Variants in PTPRD observed in about 807,000 individuals in gnomAD.
PTPRD encodes receptor-type tyrosine-protein phosphatase delta.
A neutral mutation model predicts 214.5 loss-of-function variants in PTPRD; 34 were observed. That is an observed-to-expected ratio of 0.16 (90% CI 0.12 to 0.21). The LOEUF (loss-of-function observed/expected upper bound fraction) is 0.21. PTPRD is among the 10% of genes least tolerant of loss of function. The probability of loss-of-function intolerance (pLI) is 1.00; values close to 1 mark genes in which losing one functional copy is unlikely to be tolerated. For synonymous variants in PTPRD, 1,128 were observed against 845.7 expected, an observed-to-expected ratio of 1.33 and a Z score of -5.79; for missense variants, 2,545 against 2,398.7, an observed-to-expected ratio of 1.06 and a Z score of -1.27.
chr9:9,353,340 G>T (rs1238750305), intron 9 of PTPRD, among the ~76,000 whole-genome samples: 1 of 151,872 alleles, frequency 6.6e-6, no homozygotes, highest in East Asian at 1.9e-4. Context: ...TAGAGCAACA[G>T]AACTATTGAA....
chr9:8,583,483 C>T (rs1464215682), intron 14 of PTPRD, among the ~76,000 whole-genome samples: 1 of 151,822 alleles, frequency 6.6e-6, no homozygotes, highest in African/African-American at 2.4e-5. Context: ...CCACGCATGG[C>T]TGGATAATTT....
chr9:10,152,822 C>G (rs532487411), intron 3 of PTPRD, among the ~76,000 whole-genome samples: 1 of 152,122 alleles, frequency 6.6e-6, no homozygotes, highest in Non-Finnish European at 1.5e-5. Context: ...TGAACTCCCC[C>G]CCTACCCTCC....
chr9:9,711,636 C>G (rs555846535), intron 7 of PTPRD, among the ~76,000 whole-genome samples: 1 of 152,268 alleles, frequency 6.6e-6, no homozygotes, highest in Admixed American at 6.5e-5. Context: ...TAAACTTACT[C>G]TCCAAATGGT....
chr9:10,524,359 T>C (rs1042917981), intron 2 of PTPRD, among the ~76,000 whole-genome samples: 5 of 152,106 alleles, frequency 3.3e-5, no homozygotes, highest in African/African-American at 9.7e-5. Context: ...TAGTTTACTG[T>C]ACGATAAGTT....
intron 30 of PTPRD, among the ~76,000 whole-genome samples, chr9:8,483,540 C>G (rs552034156): frequency 6.6e-6 from 1 of 152,268 alleles, no homozygotes; most frequent in East Asian, 1.9e-4. Flanking sequence ...ATCACAAGGT[C>G]AGGAGATTGA....
intron 43 of PTPRD, among the ~76,000 whole-genome samples, chr9:8,333,843 C>T (rs1294603093): frequency 6.7e-6 from 1 of 150,248 alleles, no homozygotes; most frequent in Non-Finnish European, 1.5e-5. Context: ...ATCTACCAAG[C>T]AAATGGAAGG....
chr9:8,907,768 G>A (rs2098719213), intron 11 of PTPRD, among the ~76,000 whole-genome samples: 1 of 151,788 alleles, frequency 6.6e-6, no homozygotes, highest in African/African-American at 2.4e-5. Context: ...TAAGAGCAGA[G>A]AATAAAAGAT....
At chr9:10,271,725 T>A (rs2094436653) in intron 3 of PTPRD, among the ~76,000 whole-genome samples, 1 of 151,874 alleles carries the variant, frequency 6.6e-6, no homozygotes, top group Non-Finnish European at 1.5e-5. Context: ...GTGTTTTTAG[T>A]AGAGATGAGG....
At chr9:9,338,133 C>T (rs976553380) in intron 9 of PTPRD, among the ~76,000 whole-genome samples, 1 of 152,134 alleles carries the variant, frequency 6.6e-6, no homozygotes, top group African/African-American at 2.4e-5. Flanking sequence ...GGAAAAGCTG[C>T]TAATTTCGTG....
intron 11 of PTPRD, among the ~76,000 whole-genome samples, chr9:8,948,210 G>T (rs1462414377): frequency 1.3e-5 from 2 of 148,872 alleles, no homozygotes; most frequent in East Asian, 4.1e-4. Flanking sequence ...AGTAAGGATG[G>T]GGTTTCACCA....
At chr9:9,060,704 CAG>C (rs2099705566) in intron 10 of PTPRD, among the ~76,000 whole-genome samples, 2 of 151,996 alleles carry the variant, frequency 1.3e-5, no homozygotes, top group African/African-American at 2.4e-5. Flanking sequence ...GGTATTTAAT[CAG>C]AGAGACTGTT....
intron 2 of PTPRD, among the ~76,000 whole-genome samples, chr9:10,560,284 C>G (rs2063589102): frequency 6.6e-6 from 1 of 152,060 alleles, no homozygotes; most frequent in African/African-American, 2.4e-5. Context: ...TGGAAATCAT[C>G]ATTCTCAGTA....
chr9:8,941,785 A>C (rs1298274275), intron 11 of PTPRD, among the ~76,000 whole-genome samples: 1 of 139,416 alleles, frequency 7.2e-6, no homozygotes, highest in Non-Finnish European at 1.6e-5. Flanking sequence ...AACAGATAAT[A>C]AAGGTCTTGT....
chr9:8,962,012 T>C (rs1469006993), intron 11 of PTPRD: 2 of 152,164 alleles, frequency 1.3e-5, no homozygotes, highest in East Asian at 3.9e-4. Context: ...CATGTATTTT[T>C]AAATCATCTC....
intron 11 of PTPRD, among the ~76,000 whole-genome samples, chr9:8,826,603 G>C (rs1393646728): frequency 6.7e-6 from 1 of 148,996 alleles, no homozygotes; most frequent in Non-Finnish European, 1.5e-5. Flanking sequence ...AAATGTACAA[G>C]ACCAAGATTC....
chr9:8,800,996 T>G (rs2096560420), intron 11 of PTPRD, among the ~76,000 whole-genome samples: 1 of 152,210 alleles, frequency 6.6e-6, no homozygotes, highest in Non-Finnish European at 1.5e-5. Context: ...ATACAAATAC[T>G]TAATCTCTCT....
At chr9:10,335,071 G>A (rs1343714393) in intron 3 of PTPRD, among the ~76,000 whole-genome samples, 2 of 151,580 alleles carry the variant, frequency 1.3e-5, no homozygotes, top group Non-Finnish European at 3.0e-5. Context: ...GTTATATTTT[G>A]GATATTGACA....
rs66511711 is a variant in PTPRD, at chr9:10,190,386, G to GAAAAAAAA, written c.-545+150569_-545+150576dup. 8.6e-4 allele frequency among the ~76,000 whole-genome samples: 43 copies of GAAAAAAAA among 50,150 alleles called. 2 individuals are homozygous for GAAAAAAAA. Among genetic ancestry groups the GAAAAAAAA allele is most frequent in the East Asian group, 2.6e-3 (5 of 1,908 alleles). 32.9% of individuals were successfully genotyped at this position (50,150 alleles called of 152,430 possible). On this transcript the variant is annotated intron_variant, in intron 3 of 45. Coordinates refer to ENST00000381196, the MANE Select transcript of PTPRD (RefSeq NM_002839.4). Reference sequence around the variant, plus strand: ...CTGGGCGTCAGAGACTCTATCTCCAGAAAAAAAAAAAAAAAAAAAAAAAAA... The same window carrying GAAAAAAAA: ...CTGGGCGTCAGAGACTCTATCTCCAGAAAAAAAAAAAAAAAAAAAAAAAAAAAAAAAAA...
At chr9:8,953,668 C>A (rs576578108) in intron 11 of PTPRD, among the ~76,000 whole-genome samples, 3 of 151,936 alleles carry the variant, frequency 2.0e-5, no homozygotes, top group African/African-American at 7.2e-5. Flanking sequence ...ACAAATAACC[C>A]AGTGAAAATA....
Sources: allele counts gnomAD v4.1 joint callset (sites outside exome capture counted in the v4.1 genomes callset), GRCh38; gene constraint gnomAD v4.1.1; transcripts MANE v1.5; gene names NCBI Gene and HGNC (gene_info 2026-07-23, HGNC 2026-07-21).